MIER3: variants seen among roughly 807,000 people sequenced by gnomAD.
The protein encoded by MIER3 is mesoderm induction early response protein 3.
A neutral mutation model predicts 63.2 loss-of-function variants in MIER3; 9 were observed. The observed-to-expected ratio is 0.14, with a 90% CI of 0.09 to 0.25. The LOEUF is 0.25. MIER3 is among the 10% of genes least tolerant of loss of function. MIER3 has a pLI of 1.00. For missense variants in MIER3, 512 were observed against 666.2 expected (o/e 0.77, Z 2.55); for synonymous variants, 205 against 224.9 (o/e 0.91, Z 0.79).
intron 1 of MIER3, 44 bp downstream of exon 1, chr5:56,952,050 C>T: frequency 1.6e-6 from 2 of 1,268,002 alleles, no homozygotes; most frequent in Non-Finnish European, 2.0e-6. Flanking sequence ...AGCCGCCGGG[C>T]GCCCGCTCCA....
intron 3 of MIER3, among the ~76,000 whole-genome samples, chr5:56,945,933 TCTA>T (rs1236202634): frequency 1.3e-5 from 2 of 152,240 alleles, no homozygotes; most frequent in South Asian, 2.1e-4. Context: ...TATTTGTGTC[TCTA>T]CTGTTTCTTT....
In MIER3 at chr5:56,952,122, A is replaced by G; in HGVS notation, c.-20T>C. On this transcript the variant is annotated 5_prime_UTR_variant, in exon 1 of 13. Coordinates refer to ENST00000381199, the MANE Select transcript of MIER3 (RefSeq NM_001297599.2). ...CGCCATATTGGTACCTTTAGGGCGA[A>G]CGAGCAGCGCCGAGCCCAGTCCCCG... The G allele has an allele frequency of 7.9e-7, 1 of 1,271,108 alleles. No homozygotes were observed. The highest frequency in any genetic ancestry group is 1.0e-6 in the Non-Finnish European group (1 of 990,860). The allele number at this position is 1,271,108 out of a possible 1,614,324, so 78.7% of individuals were successfully genotyped here.
chr5:56,940,855 T>G (rs1389840109), intron 3 of MIER3: 1 of 469,716 alleles, frequency 2.1e-6, no homozygotes, highest in Non-Finnish European at 2.8e-6. Flanking sequence ...GCAGAGTCCA[T>G]GCAGCCCATT....
At chr5:56,925,422 A>C (rs998915428) in intron 10 of MIER3, 1 of 433,108 alleles carries the variant, frequency 2.3e-6, no homozygotes, top group Non-Finnish European at 4.6e-6. Flanking sequence ...TTCAGGAGAC[A>C]AGGTTAATAC....
chr5:56,947,724 CT>C (rs1330523166), intron 2 of MIER3, among the ~76,000 whole-genome samples: 1 of 152,204 alleles, frequency 6.6e-6, no homozygotes, highest in Non-Finnish European at 1.5e-5. Flanking sequence ...CTTTGGATTA[CT>C]AACAAAGTTC....
intron 2 of MIER3, among the ~76,000 whole-genome samples, chr5:56,948,107 T>C (rs919906481): frequency 3.3e-5 from 5 of 152,236 alleles, no homozygotes; most frequent in African/African-American, 1.2e-4. Flanking sequence ...GTCAAGCTAC[T>C]GAATATTTTA....
chr5:56,949,973 G>T (rs1460807720), intron 2 of MIER3, among the ~76,000 whole-genome samples: 1 of 152,206 alleles, frequency 6.6e-6, no homozygotes, highest in Non-Finnish European at 1.5e-5. Context: ...TTATGCATAT[G>T]TGCAGAGTTC....
intron 8 of MIER3, among the ~76,000 whole-genome samples, chr5:56,932,375 C>G (rs1750299074): frequency 6.6e-6 from 1 of 152,042 alleles, no homozygotes; most frequent in Non-Finnish European, 1.5e-5. Flanking sequence ...TTCAAAAAAG[C>G]AAAAACATTT....
intron 5 of MIER3, chr5:56,936,817 T>C (rs1267410032): frequency 7.9e-5 from 12 of 151,980 alleles, no homozygotes; most frequent in Non-Finnish European, 1.3e-4. Flanking sequence ...CAAAACCTTT[T>C]AAATATTACT....
At chr5:56,925,468 A>G in intron 10 of MIER3, 2 of 303,276 alleles carry the variant, frequency 6.6e-6, no homozygotes, top group African/African-American at 2.2e-5. Flanking sequence ...AACAGCAATG[A>G]CGATTGAAAT....
chr5:56,951,695 G>A (rs1031400382), intron 1 of MIER3, among the ~76,000 whole-genome samples: 14 of 151,590 alleles, frequency 9.2e-5, no homozygotes, highest in Non-Finnish European at 1.6e-4. Context: ...CGATCCGGCC[G>A]CGGAGGGGGG....
chr5:56,922,956 G>T lies in MIER3; in HGVS notation c.*172C>A. The T allele has an allele frequency of 1.6e-6, 1 of 616,644 alleles. No homozygotes were observed. Among genetic ancestry groups the T allele is most frequent in the Non-Finnish European group, 2.8e-6 (1 of 355,630 alleles). 38.2% of individuals were successfully genotyped at this position (616,644 alleles called of 1,614,324 possible). ...GATCATAGTTCATTTCCACATTTAT[G>T]GATTGAAAAATGAAAATACTCTTGA... On this transcript the variant is annotated 3_prime_UTR_variant, in exon 13 of 13. Coordinates refer to ENST00000381199, the MANE Select transcript of MIER3 (RefSeq NM_001297599.2).
intron 7 of MIER3, 79 bp downstream of exon 7, chr5:56,935,349 T>C: frequency 9.0e-7 from 1 of 1,107,322 alleles, no homozygotes; most frequent in Non-Finnish European, 1.3e-6. Flanking sequence ...AAGGCTGGTA[T>C]AAAGCCAGAT....
At position 56,923,594 on chromosome 5, in the gene MIER3, G is replaced by A. The variant is rs1005148806; in HGVS notation, c.1196-9C>T. ...TACACTGTTGGTCAAAGCTAAAAAG[G>A]AATGGAAAATTGTTTAAGTAAGTGG... On this transcript the variant is annotated splice_polypyrimidine_tract_variant and intron_variant, in intron 12 of 12. Coordinates refer to ENST00000381199, the MANE Select transcript of MIER3 (RefSeq NM_001297599.2). 44 of 1,611,538 alleles carry A rather than the reference G, an allele frequency of 2.7e-5. No homozygotes were observed. Among genetic ancestry groups the A allele is most frequent in the Admixed American group, 2.2e-4 (13 of 59,840 alleles).
chr5:56,935,548 T>C, intron 6 of MIER3, 48 bp from the exon 7 acceptor site: 4 of 1,500,012 alleles, frequency 2.7e-6, no homozygotes, highest in Non-Finnish European at 3.6e-6. Context: ...AAAAAAATAC[T>C]GAAAAAAAGC....
At chr5:56,937,165 C>T (rs1021556554) in intron 5 of MIER3, among the ~76,000 whole-genome samples, 5 of 151,974 alleles carry the variant, frequency 3.3e-5, no homozygotes, top group Admixed American at 3.3e-4. Flanking sequence ...AACCTTCACC[C>T]CCAAGGTTCA....
chr5:56,933,836 A>G (rs999630030), intron 7 of MIER3, among the ~76,000 whole-genome samples: 1 of 152,116 alleles, frequency 6.6e-6, no homozygotes, highest in Non-Finnish European at 1.5e-5. Flanking sequence ...AAAACCCAAA[A>G]TATCTGGTAA....
chr5:56,937,326 C>T (rs1157796622), intron 5 of MIER3, among the ~76,000 whole-genome samples: 1 of 152,188 alleles, frequency 6.6e-6, no homozygotes, highest in African/African-American at 2.4e-5. Context: ...ATCTGTCTGC[C>T]TCGGCCTCCC....
intron 7 of MIER3, 108 bp from the exon 8 acceptor site, chr5:56,933,506 T>C: frequency 6.6e-6 from 7 of 1,064,254 alleles, no homozygotes; most frequent in African/African-American, 3.3e-5. Flanking sequence ...GACAAGTAAA[T>C]AACTTTGAAG....
Sources: allele counts gnomAD v4.1 joint callset (sites outside exome capture counted in the v4.1 genomes callset), GRCh38; gene constraint gnomAD v4.1.1; transcripts MANE v1.5; gene names NCBI Gene and HGNC (gene_info 2026-07-23, HGNC 2026-07-21).